BANP: variants seen among roughly 807,000 people sequenced by gnomAD.
BANP encodes BTG3 associated nuclear protein, also known as protein BANP.
A neutral mutation model predicts 68.1 loss-of-function variants in BANP; 11 were observed. The ratio of observed to expected loss-of-function variants is 0.16; its 90% CI spans 0.10 to 0.27. The LOEUF is 0.27. Among genes scored for constraint, BANP ranks in the 10% least tolerant of loss-of-function variants. The probability of loss-of-function intolerance (pLI) is 1.00; values close to 1 mark genes in which losing one functional copy is unlikely to be tolerated. For missense variants in BANP, 504 were observed against 722.7 expected, an observed-to-expected ratio of 0.70 and a Z score of 3.47; for synonymous variants, 329 against 303.2, an observed-to-expected ratio of 1.09 and a Z score of -0.88.
At position 88,071,581 on chromosome 16, in the gene BANP, C is replaced by T. The variant is rs1173643530; in HGVS notation, c.1378-488C>T. The T allele has an allele frequency of 8.7e-6, 4 of 457,632 alleles. No individual in the cohort carries two copies. Among genetic ancestry groups the T allele is most frequent in the South Asian group, 6.2e-5 (4 of 64,578 alleles). 28.3% of individuals were successfully genotyped at this position (457,632 alleles called of 1,614,324 possible). Reference sequence around the variant, plus strand: ...GGTTCTCAGTGCCCACCAGCAGCTCCTTTGCTCTCCCTGAGCCCTTGAGGT... The same window carrying T: ...GGTTCTCAGTGCCCACCAGCAGCTCTTTTGCTCTCCCTGAGCCCTTGAGGT... On this transcript the variant is annotated intron_variant, in intron 12 of 13. Coordinates refer to ENST00000682872, the MANE Select transcript of BANP (RefSeq NM_001386991.1). The surrounding 1 kb of genome is among the most constrained non-coding windows in gnomAD (Gnocchi z 6.5).
At chr16:88,005,850 CT>C (rs1402153808) in intron 5 of BANP, among the ~76,000 whole-genome samples, 3 of 152,232 alleles carry the variant, frequency 2.0e-5, no homozygotes, top group Non-Finnish European at 2.9e-5. Context: ...GATTTTACTC[CT>C]TTTGTGATAC....
intron 6 of BANP, among the ~76,000 whole-genome samples, chr16:88,011,689 C>T (rs1298561926): frequency 2.0e-5 from 3 of 152,184 alleles, no homozygotes; most frequent in Non-Finnish European, 2.9e-5. Context: ...TTCTCAAATA[C>T]GATGTCACAT....
intron 11 of BANP, among the ~76,000 whole-genome samples, chr16:88,041,063 TGTGCCCC>T (rs1013091060): frequency 1.8e-4 from 28 of 152,140 alleles, no homozygotes; most frequent in Non-Finnish European, 3.1e-4. Flanking sequence ...CCCTGTGCCC[TGTGCCCC>T]CACATCCTGC....
chr16:87,998,833 C>T (rs2068104279), intron 4 of BANP, among the ~76,000 whole-genome samples: 1 of 140,552 alleles, frequency 7.1e-6, no homozygotes, highest in Non-Finnish European at 1.5e-5. Flanking sequence ...CGTGCCCGCA[C>T]GTGCGCGGCT....
chr16:88,012,014 A>C (rs2073277637), intron 6 of BANP, among the ~76,000 whole-genome samples: 2 of 152,262 alleles, frequency 1.3e-5, no homozygotes. Context: ...CCTAGTCCCC[A>C]GGATCCTGGC....
chr16:88,070,963 G>A, intron 12 of BANP: 1 of 155,442 alleles, frequency 6.4e-6, no homozygotes, highest in Non-Finnish European at 1.4e-5. Context: ...GCACATGTAG[G>A]TGAAGTCTAG....
intron 11 of BANP, among the ~76,000 whole-genome samples, chr16:88,044,434 A>T (rs1207557761): frequency 1.3e-5 from 2 of 152,228 alleles, no homozygotes; most frequent in African/African-American, 4.8e-5. Flanking sequence ...ACAGAACGGT[A>T]TTACTGCGTG....
intron 4 of BANP, among the ~76,000 whole-genome samples, chr16:87,999,073 C>A (rs1242134573): frequency 7.0e-6 from 1 of 142,374 alleles, no homozygotes; most frequent in Non-Finnish European, 1.5e-5. Context: ...CGTCTCCATG[C>A]ACGCACGTGC....
chr16:87,999,114 C>T lies in BANP; in HGVS notation c.363-5181C>T, dbSNP rs183686681. Among the ~76,000 whole-genome samples the T allele has an allele frequency of 5.1e-3, 700 of 138,262 alleles. 6 individuals carry two copies. The highest frequency in any genetic ancestry group is 8.4e-3 in the Non-Finnish European group (539 of 64,190). The allele number at this position is 138,262 out of a possible 152,430, so 90.7% of individuals were successfully genotyped here. A position where few individuals can be genotyped will look rare whatever the true frequency, so the allele number is the denominator to read the frequency against. On this transcript the variant is annotated intron_variant, in intron 4 of 13. Coordinates refer to ENST00000682872, the MANE Select transcript of BANP (RefSeq NM_001386991.1). ...TGTACTTGCCTGTCCTTCCAGACAC[C>T]CAGACACGTCTCCATGCATGCACGT...
chr16:87,982,276 C>T (rs1204894395), intron 3 of BANP, among the ~76,000 whole-genome samples: 1 of 152,168 alleles, frequency 6.6e-6, no homozygotes, highest in African/African-American at 2.4e-5. Context: ...AGAGGGTGGG[C>T]CCCCGGTTGA....
intron 11 of BANP, among the ~76,000 whole-genome samples, chr16:88,058,658 G>A (rs907514000): frequency 1.3e-5 from 2 of 152,126 alleles, no homozygotes; most frequent in Non-Finnish European, 2.9e-5. Context: ...GATGAAACGT[G>A]TGTGTCCTGC....
At chr16:87,961,514 G>A (rs2059150396) in intron 1 of BANP, among the ~76,000 whole-genome samples, 7 of 151,844 alleles carry the variant, frequency 4.6e-5, no homozygotes, top group Admixed American at 4.6e-4. Flanking sequence ...TATCGGAGCA[G>A]ACCACCGGTG....
chr16:88,012,794 A>T (rs2073502576), intron 6 of BANP, among the ~76,000 whole-genome samples: 1 of 152,116 alleles, frequency 6.6e-6, no homozygotes, highest in Non-Finnish European at 1.5e-5. Flanking sequence ...AGAGAGAGGG[A>T]TCTTAAAAAG....
chr16:88,068,246 G>T (rs981921919), intron 12 of BANP, among the ~76,000 whole-genome samples: 1 of 152,240 alleles, frequency 6.6e-6, no homozygotes, highest in Non-Finnish European at 1.5e-5. Flanking sequence ...CTCCTCTGCT[G>T]CTCGCCCCAG....
At position 88,030,060 on chromosome 16, in the gene BANP, A is replaced by T. The variant is rs1241848273; in HGVS notation, c.1063+2410A>T. 2.6e-5 allele frequency among the ~76,000 whole-genome samples: 4 copies of T among 152,248 alleles called. No homozygotes were observed. The South Asian group carries it at 6.2e-4, about 24-fold the overall frequency. ...GCACTAGCAGGCCATGCCTACTGGCAGGCTAAACTATCCCTAGAATAAAGG... is the reference window on the plus strand; with the variant it reads ...GCACTAGCAGGCCATGCCTACTGGCTGGCTAAACTATCCCTAGAATAAAGG... On this transcript the variant is annotated intron_variant, in intron 8 of 13. Coordinates refer to ENST00000682872, the MANE Select transcript of BANP (RefSeq NM_001386991.1).
At chr16:87,962,447 A>G (rs1300653753) in intron 1 of BANP, among the ~76,000 whole-genome samples, 1 of 152,178 alleles carries the variant, frequency 6.6e-6, no homozygotes, top group African/African-American at 2.4e-5. Context: ...TAGAATCTGT[A>G]CAGGTGCAAG....
At chr16:87,951,005 G>T (rs2056755303), upstream of BANP, 1 of 152,238 alleles carries the variant, frequency 6.6e-6, no homozygotes, top group Non-Finnish European at 1.5e-5. Context: ...GCGGGGACAG[G>T]ACGGGCCACC....
At chr16:88,031,195 T>C (rs762719997) in intron 8 of BANP, among the ~76,000 whole-genome samples, 132 of 152,218 alleles carry the variant, frequency 8.7e-4, no homozygotes, top group Non-Finnish European at 1.5e-3. Flanking sequence ...GACCCATCAC[T>C]GGAGGTGCTC....
chr16:88,066,065 T>C (rs563572615), intron 12 of BANP, among the ~76,000 whole-genome samples: 5 of 152,292 alleles, frequency 3.3e-5, no homozygotes, highest in Admixed American at 6.5e-5. Flanking sequence ...GTCCCACTAC[T>C]GCGGCAGGTG....
Sources: allele counts gnomAD v4.1 joint callset (sites outside exome capture counted in the v4.1 genomes callset), GRCh38; gene constraint gnomAD v4.1.1; non-coding constraint Gnocchi (gnomAD v3.1); transcripts MANE v1.5; gene names NCBI Gene and HGNC (gene_info 2026-07-23, HGNC 2026-07-21).